HSPG2: variants seen among roughly 807,000 people sequenced by gnomAD.
The protein encoded by HSPG2 is heparan sulfate proteoglycan 2.
In HSPG2, 278 loss-of-function variants were observed where a neutral mutation model predicts 526.6. That is an observed-to-expected ratio of 0.53 (90% CI 0.48 to 0.58). The LOEUF is 0.58. Among genes scored for constraint, HSPG2 ranks in the 20% least tolerant of loss-of-function variants. The pLI, the probability that HSPG2 is intolerant of heterozygous loss-of-function variation, is 0.00. For missense variants in HSPG2, 5,354 were observed against 6,099.5 expected (o/e 0.88, Z 4.07); for synonymous variants, 2,465 against 2,555.4 (o/e 0.96, Z 1.07).
In HSPG2 at chr1:21,842,112, G is replaced by C. The variant is rs1374881907; in HGVS notation, c.9083C>G (p.Pro3028Arg). ...GCCCTGCTGCACGGTGCTGCTGGGC[G>C]GGTCGATGGAGATGACCGGGCTCCT... ...RLRSPVISID[P>R]PSSTVQQGQD... The change falls in exon 69 of 97, where the codon CCG becomes CGG. Residue 3028 changes from proline to arginine, a missense_variant. Transcript: ENST00000374695. The C allele has an allele frequency of 1.9e-6, 3 of 1,613,698 alleles. No individual in the cohort carries two copies. In the African/African-American group the frequency reaches 4.0e-5, roughly 21 times the overall value.
In HSPG2 at chr1:21,880,485, G is replaced by C; in HGVS notation, c.2073C>G (p.Ala691=). 1 of 1,613,716 alleles carries C rather than the reference G, an allele frequency of 6.2e-7. No individual in the cohort carries two copies. Among genetic ancestry groups the C allele is most frequent in the Non-Finnish European group, 8.5e-7 (1 of 1,179,946 alleles). The part of the protein sequence containing the change: ...ELLQVLQSLE[A]VLIQTVYNTK... ...TGTTGTACACGGTCTGGATGAGCAC[G>C]GCCTCCAGGCTCTGCAGCACCTGCA... is the stretch of plus-strand genomic sequence containing the variant. The change falls in exon 16 of 97, where the codon GCC becomes GCG. Residue 691 remains alanine (A), a synonymous_variant. Coordinates refer to ENST00000374695, the MANE Select transcript of HSPG2 (RefSeq NM_005529.7).
At chr1:21,841,866 A>T in intron 69 of HSPG2, 136 bp downstream of exon 69, 1 of 1,362,578 alleles carries the variant, frequency 7.3e-7, no homozygotes, top group Non-Finnish European at 1.0e-6. Flanking sequence ...TGCCATACAG[A>T]GACGGGAAGG....
rs750808162 is a variant in HSPG2 at position 21,842,897 on chromosome 1, T to C, written c.8783A>G (p.Tyr2928Cys). ...CACGTGTGAAGAGGAGGCCTCGATG[T>C]AGATGGGCTGGGCCAGTCCTGGAGC... is the stretch of plus-strand genomic sequence containing the variant. ...IPAPGLAQPI[Y>C]IEASSSHVTE... The change falls in exon 67 of 97, where the codon TAC becomes TGC. Residue 2928 changes from tyrosine to cysteine, a missense_variant. Transcript: ENST00000374695. 6.2e-7 allele frequency: 1 copy of C among 1,614,084 alleles called. No individual in the cohort carries two copies. Among genetic ancestry groups the C allele is most frequent in the South Asian group, 1.1e-5 (1 of 91,078 alleles).
At chr1:21,912,690 A>G (rs1434312220) in intron 1 of HSPG2, among the ~76,000 whole-genome samples, 2 of 152,128 alleles carry the variant, frequency 1.3e-5, no homozygotes, top group Non-Finnish European at 2.9e-5. Flanking sequence ...TGTTGGATTA[A>G]TAATTATTGC....
At chr1:21,855,153 G>T in intron 47 of HSPG2, 151 bp downstream of exon 47, 2 of 1,347,346 alleles carry the variant, frequency 1.5e-6, no homozygotes, top group Non-Finnish European at 2.0e-6. Context: ...GGGGCTCCCT[G>T]CTGGGATGCA....
chr1:21,840,122 A>C (rs2098042748), intron 71 of HSPG2, 105 bp from the exon 72 acceptor site: 2 of 882,588 alleles, frequency 2.3e-6, no homozygotes, highest in Non-Finnish European at 3.8e-6. Context: ...CTGCCTTGGT[A>C]TCTATTTATT....
At chr1:21,850,254 G>A in intron 56 of HSPG2, 62 bp from the exon 57 acceptor site, 1 of 1,611,898 alleles carries the variant, frequency 6.2e-7, no homozygotes, top group Non-Finnish European at 8.5e-7. Flanking sequence ...GGGGCTCCTG[G>A]TCTCAAGGCA....
At chr1:21,894,814 G>A (rs1642631604) in intron 3 of HSPG2, among the ~76,000 whole-genome samples, 1 of 152,190 alleles carries the variant, frequency 6.6e-6, no homozygotes. Flanking sequence ...CGTGCCATGT[G>A]TGCCTGGGGC....
rs931842263 is a variant in HSPG2, at chr1:21,849,140, G to C, written c.7447-109C>G. Reference sequence around the variant, plus strand: ...CTCCCAGCCCAGCCAGCTGGAACTCGATGGAAACTCTTCCAGGGAAAACCA... The same window carrying C: ...CTCCCAGCCCAGCCAGCTGGAACTCCATGGAAACTCTTCCAGGGAAAACCA... On this transcript the variant is annotated intron_variant, in intron 57 of 96. Transcript: ENST00000374695. 5.3e-6 allele frequency: 7 copies of C among 1,319,886 alleles called. No homozygotes were observed. In the African/African-American group the frequency reaches 8.7e-5, roughly 16 times the overall value. 81.8% of individuals were successfully genotyped at this position (1,319,886 alleles called of 1,614,324 possible). A position where few individuals can be genotyped will look rare whatever the true frequency, so the allele number is the denominator to read the frequency against.
chr1:21,927,770 C>T (rs921410206), intron 1 of HSPG2, among the ~76,000 whole-genome samples: 12 of 152,188 alleles, frequency 7.9e-5, no homozygotes, highest in Non-Finnish European at 1.6e-4. Context: ...ACAGCTGCGG[C>T]CTCGGTAGGC....
Position 21,875,677 on chromosome 1 carries a change from TCGATGCCTGC to T in HSPG2, c.3244_3253del (p.Ala1082ThrfsTer4). On this transcript the variant is annotated frameshift_variant, in exon 25 of 97. Coordinates refer to ENST00000374695, the MANE Select transcript of HSPG2 (RefSeq NM_005529.7). LOFTEE classifies it high-confidence loss of function. ...GTAGGATGCTCGGATCAGGAGGGTG[TCGATGCCTGC>T]CAGTGCCATCAGCAGGTGCTCCCGT... 6.2e-7 allele frequency: 1 copy of T among 1,603,770 alleles called. No individual in the cohort carries two copies. The highest frequency in any genetic ancestry group is 8.5e-7 in the Non-Finnish European group (1 of 1,179,958).
intron 2 of HSPG2, 52 bp downstream of exon 2, chr1:21,896,123 G>A: frequency 6.2e-7 from 1 of 1,612,374 alleles, no homozygotes; most frequent in South Asian, 1.1e-5. Flanking sequence ...GTGGGAAGAA[G>A]CACAGTCTCA....
Position 21,829,119 on chromosome 1 carries a change from C to T in HSPG2, c.11993-40G>A. ...AGGCAGGGTTGGGCACATGGGGGCA[C>T]ACGGGGCTCCCTGCCCTCTCCACCA... is the stretch of plus-strand genomic sequence containing the variant. On this transcript the variant is annotated intron_variant, in intron 87 of 96. Coordinates refer to ENST00000374695, the MANE Select transcript of HSPG2 (RefSeq NM_005529.7). The T allele has an allele frequency of 3.9e-6, 6 of 1,524,168 alleles. No homozygotes were observed. The South Asian group carries it at 6.0e-5, about 15-fold the overall frequency. The allele number at this position is 1,524,168 out of a possible 1,614,324, so 94.4% of individuals were successfully genotyped here.
In HSPG2 at chr1:21,928,030, C is replaced by T. The variant is rs1006330932; in HGVS notation, c.63+9125G>A. On this transcript the variant is annotated intron_variant, in intron 1 of 96. Transcript: ENST00000374695. ...TGTCAAATACCTGCCACATTCCAGG[C>T]ACTGAGCAAGGTGCATCCACCTGGT... 4.6e-5 allele frequency among the ~76,000 whole-genome samples: 7 copies of T among 152,238 alleles called. 1 individual carries two copies. The highest frequency in any genetic ancestry group is 6.5e-5 in the Admixed American group (1 of 15,282).
Position 21,873,962 on chromosome 1 carries a change from C to T in HSPG2, c.3706G>A (p.Ala1236Thr). Residue 1236 changes from alanine to threonine, a missense_variant, in exon 29 of 97, where the codon GCG becomes ACG. Ala to Thr is a moderately conservative substitution (Grantham distance 58). Coordinates refer to ENST00000374695, the MANE Select transcript of HSPG2 (RefSeq NM_005529.7). ...CGCCCACTGTGGCCTGGGGAGCACG[C>T]ATCACAGGTGGGGTGGCCGTCTGTG... is the stretch of plus-strand genomic sequence containing the variant. ...LDTDGHPTCD[A>T]CSPGHSGRHC... is the part of the protein sequence containing the mutation. 1.2e-6 allele frequency: 2 copies of T among 1,606,112 alleles called. No homozygotes were observed. The highest frequency in any genetic ancestry group is 1.7e-6 in the Non-Finnish European group (2 of 1,176,224).
At chr1:21,866,387 G>A (rs1420504609) in intron 33 of HSPG2, among the ~76,000 whole-genome samples, 3 of 152,174 alleles carry the variant, frequency 2.0e-5, no homozygotes, top group African/African-American at 7.2e-5. Context: ...ACATGAGCCA[G>A]GCCTGGCCAA....
chr1:21,919,992 C>T lies in HSPG2; in HGVS notation c.63+17163G>A, dbSNP rs915816726. Reference sequence around the variant, plus strand: ...CACAATCTTGGCTCATTGCAACTGCCGCCTCCCGGGTTCAAGCGATTCTAC... The same window carrying T: ...CACAATCTTGGCTCATTGCAACTGCTGCCTCCCGGGTTCAAGCGATTCTAC... On this transcript the variant is annotated intron_variant, in intron 1 of 96. Transcript: ENST00000374695. 1.8e-4 allele frequency among the ~76,000 whole-genome samples: 28 copies of T among 152,256 alleles called. No homozygotes were observed. The South Asian group carries it at 3.3e-3, about 18-fold the overall frequency.
Position 21,872,552 on chromosome 1 carries a change from T to C in HSPG2, c.4029+68A>G. The C allele has an allele frequency of 1.9e-6, 3 of 1,539,854 alleles. No homozygotes were observed. The highest frequency in any genetic ancestry group is 2.4e-5 in the East Asian group (1 of 41,326). On this transcript the variant is annotated intron_variant, in intron 32 of 96. Coordinates refer to ENST00000374695, the MANE Select transcript of HSPG2 (RefSeq NM_005529.7). This position sits in a 1 kb window ranked among gnomAD's most constrained non-coding sequence, Gnocchi z 5.5. ...CGGGGATGAGGGTCGCTGGGCTCAGTGCTCAGATGGACAGTAACAGGCAGC... is the reference window on the plus strand; with the variant it reads ...CGGGGATGAGGGTCGCTGGGCTCAGCGCTCAGATGGACAGTAACAGGCAGC...
rs1327880746 is a variant in HSPG2 at position 21,885,873 on chromosome 1, CCT to C, written c.1079-424_1079-423del. Among the ~76,000 whole-genome samples the C allele has an allele frequency of 5.3e-5, 8 of 152,250 alleles. No homozygotes were observed. The East Asian group carries it at 1.5e-3, about 29-fold the overall frequency. On this transcript the variant is annotated intron_variant, in intron 9 of 96. Transcript: ENST00000374695. ...CAGAATGCCTGGCACAGTGTGGTCC[CCT>C]GAGGGGCTCGACGGTCTGTGCTCCC... is the stretch of plus-strand genomic sequence containing the variant.
Sources: allele counts gnomAD v4.1 joint callset (sites outside exome capture counted in the v4.1 genomes callset), GRCh38; gene constraint gnomAD v4.1.1; non-coding constraint Gnocchi (gnomAD v3.1); transcripts MANE v1.5; gene names NCBI Gene and HGNC (gene_info 2026-07-23, HGNC 2026-07-21).